MICAL2: variants seen among roughly 807,000 people sequenced by gnomAD.
MICAL2 encodes microtubule associated monooxygenase, calponin and LIM domain containing 2, also known as [F-actin]-monooxygenase MICAL2.
Under a neutral mutation model 127.3 loss-of-function variants are expected in MICAL2, and 77 were observed. That is an observed-to-expected ratio of 0.60 (90% CI 0.50 to 0.73). The LOEUF (loss-of-function observed/expected upper bound fraction) is 0.73, where lower values mean the gene tolerates loss of function less well. Ranked by LOEUF, MICAL2 falls within the 30% of genes least tolerant of loss-of-function variation. MICAL2 has a pLI of 0.00. For missense variants in MICAL2, 1,351 were observed against 1,434.4 expected (o/e 0.94, Z 0.94); for synonymous variants, 570 against 551.1 (o/e 1.03, Z -0.48).
chr11:12,226,721 C>T (rs1238988676), intron 14 of MICAL2, among the ~76,000 whole-genome samples: 6 of 142,368 alleles, frequency 4.2e-5, no homozygotes, highest in African/African-American at 8.0e-5. Context: ...GGTGTGATCT[C>T]GGCTCACTGC....
intron 16 of MICAL2, among the ~76,000 whole-genome samples, chr11:12,236,495 G>C (rs1395942505): frequency 6.6e-6 from 1 of 152,194 alleles, no homozygotes; most frequent in East Asian, 1.9e-4. Flanking sequence ...TGATACACTT[G>C]AAATACATGA....
At chr11:12,174,858 C>A (rs1031758769) in intron 3 of MICAL2, among the ~76,000 whole-genome samples, 4 of 152,322 alleles carry the variant, frequency 2.6e-5, no homozygotes, top group Non-Finnish European at 5.9e-5. Flanking sequence ...TGGTGGCTCA[C>A]TCCTGTACTC....
chr11:12,133,286 T>TTCACC (rs1851570613), intron 1 of MICAL2, among the ~76,000 whole-genome samples: 1 of 152,140 alleles, frequency 6.6e-6, no homozygotes, highest in Non-Finnish European at 1.5e-5. Flanking sequence ...TTCACCATGT[T>TTCACC]GGTCAGGCTG....
chr11:12,324,898 C>T (rs578161312), intron 31 of MICAL2, among the ~76,000 whole-genome samples: 5 of 152,294 alleles, frequency 3.3e-5, no homozygotes, highest in African/African-American at 1.2e-4. Context: ...ACCTCTAAAA[C>T]AGGTTTCCTT....
intron 20 of MICAL2, chr11:12,243,024 C>G (rs953031060): frequency 5.7e-6 from 2 of 348,250 alleles, no homozygotes; most frequent in South Asian, 7.9e-5. Context: ...TCGAGAAAGG[C>G]ATTACTATAA....
At chr11:12,132,385 G>A (rs1244111472) in intron 1 of MICAL2, among the ~76,000 whole-genome samples, 4 of 152,242 alleles carry the variant, frequency 2.6e-5, no homozygotes, top group Non-Finnish European at 4.4e-5. Flanking sequence ...GCAGTGCTAT[G>A]CTGTGTGGCA....
At chr11:12,321,154 G>T (rs1864290490) in intron 30 of MICAL2, among the ~76,000 whole-genome samples, 1 of 152,064 alleles carries the variant, frequency 6.6e-6, no homozygotes. Flanking sequence ...TCTCCTGCTG[G>T]CCCAGAACAG....
intron 2 of MICAL2, among the ~76,000 whole-genome samples, chr11:12,158,040 T>C (rs923167): frequency 0.42 from 63,529 of 151,864 alleles, 14,438 homozygotes; most frequent in East Asian, 0.57. Context: ...GTATACAGGT[T>C]GACTATACCT....
chr11:12,212,469 C>A (rs1216344138), intron 6 of MICAL2, among the ~76,000 whole-genome samples: 1 of 151,796 alleles, frequency 6.6e-6, no homozygotes, highest in African/African-American at 2.4e-5. Context: ...AGAGCGAGAC[C>A]CTGTCTGAAA....
chr11:12,219,356 G>A (rs1247115636), intron 8 of MICAL2, among the ~76,000 whole-genome samples: 1 of 151,758 alleles, frequency 6.6e-6, no homozygotes, highest in Non-Finnish European at 1.5e-5. Context: ...TCCAGTCCTC[G>A]CAGCTCAGGG....
Position 12,277,315 on chromosome 11 carries a change from A to G in MICAL2, c.87+1149A>G, listed in dbSNP as rs115284488. On this transcript the variant is annotated intron_variant, in intron 1 of 2. Transcript: ENST00000529028. ...GCTTGACAACGCACAGTGCTGCTCC[A>G]GTGCCATCTGATTGGCTACAGCATG... Among the ~76,000 whole-genome samples, 541 of 152,196 alleles carry G rather than the reference A, an allele frequency of 3.6e-3. 4 individuals carry two copies. The highest frequency in any genetic ancestry group is 0.012 in the African/African-American group (509 of 41,548).
chr11:12,324,658 C>T (rs1021539713), intron 31 of MICAL2, among the ~76,000 whole-genome samples: 2 of 152,186 alleles, frequency 1.3e-5, no homozygotes, highest in South Asian at 2.1e-4. Flanking sequence ...TAGTCTTGAA[C>T]AAGAGTTGGG....
rs146374308 is a variant in MICAL2 at position 12,327,249 on chromosome 11, C to T, written c.5498C>T (p.Ala1833Val). ...ATCCAGGGTGTGAGGCTGGAGAAGG[C>T]GTTGCGAGGAGAAGCAGGTACGGCA... is the stretch of plus-strand genomic sequence containing the variant. The change falls in exon 32 of 35, where the codon GCG (alanine) becomes GTG (valine). Residue 1833 changes from alanine (A) to valine (V), a missense_variant. Transcript: ENST00000646065. 188 of 1,550,508 alleles carry T rather than the reference C, an allele frequency of 1.2e-4. No individual in the cohort carries two copies. In the African/African-American group the frequency reaches 2.2e-3, roughly 18 times the overall value.
downstream of MICAL2, chr11:12,293,754 AGAT>A (rs1863935159): frequency 1.9e-6 from 3 of 1,613,960 alleles, no homozygotes; most frequent in Non-Finnish European, 2.5e-6. Context: ...GACCCTGCAG[AGAT>A]GACTTCTGAT....
At chr11:12,307,909 G>A (rs1394194212) in intron 29 of MICAL2, among the ~76,000 whole-genome samples, 2 of 152,080 alleles carry the variant, frequency 1.3e-5, no homozygotes, top group African/African-American at 2.4e-5. Context: ...TTGAAACAGA[G>A]CCTCACTCTG....
chr11:12,259,229 A>T (rs906729594), intron 25 of MICAL2, among the ~76,000 whole-genome samples: 1 of 152,256 alleles, frequency 6.6e-6, no homozygotes, highest in African/African-American at 2.4e-5. Context: ...ATTTTGTAAC[A>T]TCCCTTTCCA....
At chr11:12,124,500 G>T (rs1421849845) in intron 1 of MICAL2, among the ~76,000 whole-genome samples, 1 of 152,154 alleles carries the variant, frequency 6.6e-6, no homozygotes, top group African/African-American at 2.4e-5. Flanking sequence ...GCTCCTCGAG[G>T]GCTCCAAGGT....
chr11:12,120,519 C>T (rs539994954), intron 1 of MICAL2, among the ~76,000 whole-genome samples: 29 of 152,264 alleles, frequency 1.9e-4, no homozygotes, highest in South Asian at 1.0e-3. Flanking sequence ...TGTGGCTGAA[C>T]ACCGAGACAG....
In MICAL2 at chr11:12,330,900, A is replaced by AGAGT. The variant is rs1238311364; in HGVS notation, c.5515+3635_5515+3636insAGTG. Reference sequence around the variant, plus strand: ...GAGAGAGACAGAGAGAGAGAGAGAGAGTGTGTGTGTGTGTGTGTGTGTGTG... The same window carrying AGAGT: ...GAGAGAGACAGAGAGAGAGAGAGAGAGAGTGTGTGTGTGTGTGTGTGTGTGTGTG... On this transcript the variant is annotated intron_variant, in intron 32 of 34. Transcript: ENST00000646065. Among the ~76,000 whole-genome samples the AGAGT allele has an allele frequency of 7.5e-3, 901 of 119,350 alleles. 5 individuals are homozygous for AGAGT. The highest frequency in any genetic ancestry group is 0.012 in the Non-Finnish European group (646 of 55,754). The allele number at this position is 119,350 out of a possible 152,430, so 78.3% of individuals were successfully genotyped here.
Sources: allele counts gnomAD v4.1 joint callset (sites outside exome capture counted in the v4.1 genomes callset), GRCh38; gene constraint gnomAD v4.1.1; transcripts MANE v1.5; gene names NCBI Gene and HGNC (gene_info 2026-07-23, HGNC 2026-07-21).